Variants in SHANK2 observed in about 807,000 individuals in gnomAD.
The protein encoded by SHANK2 is SH3 and multiple ankyrin repeat domains 2, also known as SH3 and multiple ankyrin repeat domains protein 2.
Under a neutral mutation model 133.7 loss-of-function variants are expected in SHANK2, and 43 were observed. The ratio of observed to expected loss-of-function variants is 0.32; its 90% CI spans 0.25 to 0.41. The LOEUF (loss-of-function observed/expected upper bound fraction) is 0.41, where lower values mean the gene tolerates loss of function less well. SHANK2 is among the 10% of genes least tolerant of loss of function. SHANK2 has a pLI of 1.00. For missense variants in SHANK2, 1,994 were observed against 2,235.8 expected, an observed-to-expected ratio of 0.89 and a Z score of 2.18; for synonymous variants, 1,017 against 952.8, an observed-to-expected ratio of 1.07 and a Z score of -1.24.
chr11:71,101,642 G>A (rs1451347895), intron 6 of SHANK2, among the ~76,000 whole-genome samples: 2 of 152,330 alleles, frequency 1.3e-5, no homozygotes, highest in African/African-American at 4.8e-5. Context: ...ATCGCACTTG[G>A]CGATTCATTC....
chr11:71,245,445 C>T (rs1444545949), intron 1 of SHANK2, among the ~76,000 whole-genome samples: 1 of 152,182 alleles, frequency 6.6e-6, no homozygotes. Context: ...ACATAAAAAG[C>T]TTCTGGGTCC....
At chr11:70,768,934 G>T (rs1291564909) in intron 14 of SHANK2, among the ~76,000 whole-genome samples, 1 of 152,256 alleles carries the variant, frequency 6.6e-6, no homozygotes, top group South Asian at 2.1e-4. Flanking sequence ...GGGAAGGCAG[G>T]TGTCTCCAGC....
intron 15 of SHANK2, chr11:70,668,134 T>C (rs1944715114): frequency 6.6e-6 from 1 of 152,026 alleles, no homozygotes; most frequent in Non-Finnish European, 1.5e-5. Flanking sequence ...AGTTGAATGG[T>C]GACTCAACCC....
At chr11:70,898,979 G>A (rs73531441) in intron 10 of SHANK2, among the ~76,000 whole-genome samples, 2,572 of 152,258 alleles carry the variant, frequency 0.017, 73 homozygotes, top group African/African-American at 0.06. Flanking sequence ...AGAGCTGTCT[G>A]GTCACAAATG....
chr11:70,926,579 G>C (rs889755497), intron 10 of SHANK2, among the ~76,000 whole-genome samples: 5 of 152,140 alleles, frequency 3.3e-5, no homozygotes, highest in Non-Finnish European at 7.3e-5. Flanking sequence ...GCAGCACTAC[G>C]ATAGGGGCCA....
At chr11:70,673,143 G>A (rs1944846095) in intron 15 of SHANK2, among the ~76,000 whole-genome samples, 1 of 152,080 alleles carries the variant, frequency 6.6e-6, no homozygotes, top group Non-Finnish European at 1.5e-5. Context: ...AAACCAAGAT[G>A]GTCCTGGACA....
intron 6 of SHANK2, among the ~76,000 whole-genome samples, chr11:71,098,270 T>C (rs76668654): frequency 0.044 from 6,640 of 151,552 alleles, 188 homozygotes; most frequent in Non-Finnish European, 0.069. Flanking sequence ...TGCACATGCT[T>C]GTGTGTGTGC....
intron 10 of SHANK2, among the ~76,000 whole-genome samples, chr11:70,933,013 G>A (rs911197742): frequency 2.0e-5 from 3 of 152,088 alleles, no homozygotes; most frequent in African/African-American, 7.2e-5. Flanking sequence ...TCACTTCTGG[G>A]TCTATACCCA....
intron 10 of SHANK2, among the ~76,000 whole-genome samples, chr11:70,942,360 T>C (rs1383751311): frequency 6.6e-6 from 1 of 152,068 alleles, no homozygotes; most frequent in Non-Finnish European, 1.5e-5. Flanking sequence ...ACCTGAGGGG[T>C]GTCCTGGCTT....
At chr11:70,764,063 A>ATCCATCC (rs1947055142) in intron 14 of SHANK2, among the ~76,000 whole-genome samples, 1 of 127,010 alleles carries the variant, frequency 7.9e-6, no homozygotes, top group Non-Finnish European at 1.7e-5. Context: ...TATACCCACC[A>ATCCATCC]ATCCATCCAT....
At chr11:70,903,608 C>G (rs1418819796) in intron 10 of SHANK2, among the ~76,000 whole-genome samples, 1 of 152,068 alleles carries the variant, frequency 6.6e-6, no homozygotes, top group Non-Finnish European at 1.5e-5. Flanking sequence ...AGTAGAGGCA[C>G]CCAGGGCTTG....
intron 3 of SHANK2, among the ~76,000 whole-genome samples, chr11:71,132,028 T>C (rs1555103791): frequency 2.0e-5 from 3 of 152,108 alleles, no homozygotes; most frequent in African/African-American, 7.2e-5. Context: ...GACGGAGCCA[T>C]GAGTCAGGAA....
chr11:71,159,862 C>T (rs1237375908), intron 2 of SHANK2, among the ~76,000 whole-genome samples: 3 of 151,606 alleles, frequency 2.0e-5, no homozygotes, highest in African/African-American at 7.3e-5. Flanking sequence ...GGTGGCACAC[C>T]TGTAGTCCTG....
chr11:70,665,089 T>C (rs2134296172), intron 15 of SHANK2, among the ~76,000 whole-genome samples: 1 of 152,278 alleles, frequency 6.6e-6, no homozygotes, highest in South Asian at 2.1e-4. Flanking sequence ...ACCCCTCTGA[T>C]CTCGACATCC....
rs1555155476 is a variant in SHANK2, at chr11:70,490,342, G to A, written c.2485C>T (p.Pro829Ser). The A allele has an allele frequency of 6.2e-7, 1 of 1,614,102 alleles. No homozygotes were observed. The highest frequency in any genetic ancestry group is 8.5e-7 in the Non-Finnish European group (1 of 1,180,036). The change falls in exon 23 of 26, where the codon CCT (proline) becomes TCT (serine). Residue 829 changes from proline (P) to serine (S), a missense_variant. Pro to Ser is a moderately conservative substitution (Grantham distance 74). Around this residue, in one of 5 missense-constraint regions of SHANK2, gnomAD observed 488 missense variants for 642.6 expected, o/e 0.76. Coordinates refer to ENST00000601538, the MANE Select transcript of SHANK2 (RefSeq NM_012309.5). The part of the protein sequence containing the change: ...QGIAVMTPTV[P>S]GSPKAPFLGI... ...AGAAACGGGGCTTTTGGGCTCCCAG[G>A]AACAGTGGGCGTCATCACGGCGATT...
rs953270074 is a variant in SHANK2 at position 70,804,863 on chromosome 11, C to T, written c.1663+2139G>A. On this transcript the variant is annotated intron_variant, in intron 13 of 25. Transcript: ENST00000601538. The surrounding 1 kb of genome is among the most constrained non-coding windows in gnomAD (Gnocchi z 4.1). The stretch of plus-strand genomic sequence containing the variant: ...CGGATCCACTGATGGGGCTCATCAC[C>T]GGCTCCCCCTCTCCCTTGAGCTCCT... Among the ~76,000 whole-genome samples, 9 of 152,146 alleles carry T rather than the reference C, an allele frequency of 5.9e-5. No individual in the cohort carries two copies. The highest frequency in any genetic ancestry group is 4.8e-5 in the African/African-American group (2 of 41,426).
intron 10 of SHANK2, among the ~76,000 whole-genome samples, chr11:70,904,817 G>A (rs782551545): frequency 1.4e-4 from 22 of 152,128 alleles, no homozygotes; most frequent in South Asian, 2.1e-4. Flanking sequence ...CAATCCGATC[G>A]TTTTAAAAAG....
intron 14 of SHANK2, among the ~76,000 whole-genome samples, chr11:70,758,977 G>A (rs1946930693): frequency 6.6e-6 from 1 of 150,618 alleles, no homozygotes; most frequent in Non-Finnish European, 1.5e-5. Flanking sequence ...TGGCCAACAT[G>A]GTGAAACTCT....
intron 17 of SHANK2, among the ~76,000 whole-genome samples, chr11:70,622,046 T>A (rs2060836180): frequency 6.6e-6 from 1 of 152,198 alleles, no homozygotes; most frequent in South Asian, 2.1e-4. Context: ...CTGGCCCACC[T>A]TGCTGGGCTG....
Sources: gnomAD v4.1 joint callset for allele counts (sites outside exome capture counted in the v4.1 genomes callset) on GRCh38, gnomAD v4.1.1 for gene constraint, gnomAD v4.1.1 regional missense constraint, Gnocchi (gnomAD v3.1) non-coding constraint, MANE v1.5 for transcripts, NCBI Gene and HGNC (gene_info 2026-07-23, HGNC 2026-07-21) for gene names.